The following SCLT1 variants were observed in gnomAD, a reference collection of about 807,000 sequenced individuals.
SCLT1 encodes the protein sodium channel and clathrin linker 1.
Under a neutral mutation model 112.8 loss-of-function variants are expected in SCLT1, and 78 were observed. The ratio of observed to expected loss-of-function variants is 0.69; its 90% confidence interval spans 0.58 to 0.83. The LOEUF (loss-of-function observed/expected upper bound fraction) is 0.83. Ranked by LOEUF, SCLT1 falls within the 40% of genes least tolerant of loss-of-function variation. SCLT1 has a pLI of 0.00. For missense variants in SCLT1, 747 were observed against 770.4 expected (o/e 0.97, Z 0.36); for synonymous variants, 257 against 254.7 (o/e 1.01, Z -0.09).
chr4:128,875,446 G>GGAGT (rs1286589304), intron 4 of SCLT1, among the ~76,000 whole-genome samples: 1 of 151,724 alleles, frequency 6.6e-6, no homozygotes, highest in Non-Finnish European at 1.5e-5. Flanking sequence ...TTCCCCACCT[G>GGAGT]GAGTTCTTTC....
At chr4:128,969,569 C>T (rs1052047423) in intron 10 of SCLT1, among the ~76,000 whole-genome samples, 1 of 150,902 alleles carries the variant, frequency 6.6e-6, no homozygotes, top group African/African-American at 2.5e-5. Flanking sequence ...GAGACTCTGA[C>T]TCAAAAATAA....
chr4:128,931,387 T>G (rs1035800139), intron 18 of SCLT1, among the ~76,000 whole-genome samples: 4 of 152,200 alleles, frequency 2.6e-5, no homozygotes, highest in Non-Finnish European at 5.9e-5. Flanking sequence ...TATCTTTTAT[T>G]GTCGAGATTT....
chr4:128,900,145 T>C (rs1194565900), intron 18 of SCLT1, among the ~76,000 whole-genome samples: 1 of 152,140 alleles, frequency 6.6e-6, no homozygotes, highest in Non-Finnish European at 1.5e-5. Context: ...AAGCTACCAA[T>C]GACTTTCTTC....
rs149781519 is a variant in SCLT1 at position 128,993,826 on chromosome 4, A to G, written c.616-1589T>C. On this transcript the variant is annotated intron_variant, in intron 8 of 20. Coordinates refer to ENST00000281142, the MANE Select transcript of SCLT1 (RefSeq NM_144643.4). ...CAGGATAGTTAGTATGCAATTAAAT[A>G]TTTTTGAGTAAATTATAGAGATGAG... is the stretch of plus-strand genomic sequence containing the variant. 1.6e-3 allele frequency among the ~76,000 whole-genome samples: 247 copies of G among 152,212 alleles called. 2 individuals are homozygous for G. The highest frequency in any genetic ancestry group is 0.013 in the East Asian group (70 of 5,188).
At chr4:128,937,667 A>T (rs1245256149) in intron 17 of SCLT1, among the ~76,000 whole-genome samples, 4 of 152,230 alleles carry the variant, frequency 2.6e-5, no homozygotes, top group Admixed American at 6.5e-5. Flanking sequence ...ATGATTAATG[A>T]ATGAATTATT....
At chr4:129,083,873 C>A (rs190567498) in intron 1 of SCLT1, among the ~76,000 whole-genome samples, 16 of 151,808 alleles carry the variant, frequency 1.1e-4, no homozygotes, top group African/African-American at 3.9e-4. Flanking sequence ...CAAAGAAAGC[C>A]AAGTGGAGTA....
intron 18 of SCLT1, among the ~76,000 whole-genome samples, chr4:128,924,041 A>T (rs753326922): frequency 4.0e-5 from 6 of 151,696 alleles, no homozygotes; most frequent in Non-Finnish European, 8.8e-5. Flanking sequence ...CTATGTGTGG[A>T]TGTGTTTTCA....
chr4:128,900,234 A>G (rs1340827163), intron 18 of SCLT1, among the ~76,000 whole-genome samples: 1 of 152,242 alleles, frequency 6.6e-6, no homozygotes, highest in Non-Finnish European at 1.5e-5. Context: ...TCCTAAGCCA[A>G]AAGAACAAAG....
At chr4:129,083,732 C>A (rs990065879) in intron 1 of SCLT1, among the ~76,000 whole-genome samples, 8 of 151,614 alleles carry the variant, frequency 5.3e-5, no homozygotes, top group Non-Finnish European at 7.4e-5. Flanking sequence ...TTGAAGTGAA[C>A]AATAGTGAAA....
intron 2 of SCLT1, among the ~76,000 whole-genome samples, chr4:129,056,712 G>T (rs553355438): frequency 6.6e-6 from 1 of 152,026 alleles, no homozygotes; most frequent in Admixed American, 6.6e-5. Context: ...TTAATTTGTT[G>T]ATCAGTTCTA....
intron 2 of SCLT1, among the ~76,000 whole-genome samples, chr4:129,067,463 G>A (rs1750592814): frequency 6.6e-6 from 1 of 151,432 alleles, no homozygotes; most frequent in South Asian, 2.1e-4. Flanking sequence ...TTCAAAAACT[G>A]ATTTATCCTA....
At chr4:128,940,906 CTAAAG>C (rs1355627129) in intron 17 of SCLT1, among the ~76,000 whole-genome samples, 1 of 151,936 alleles carries the variant, frequency 6.6e-6, no homozygotes, top group Admixed American at 6.6e-5. Flanking sequence ...ATTTTAGACT[CTAAAG>C]TAAATACGTA....
At chr4:128,960,711 G>A (rs1291999784) in intron 11 of SCLT1, among the ~76,000 whole-genome samples, 4 of 151,380 alleles carry the variant, frequency 2.6e-5, no homozygotes, top group Non-Finnish European at 5.9e-5. Context: ...ATGAGGTCAG[G>A]AGATCGAGAC....
chr4:128,907,597 C>G (rs1214581114), intron 18 of SCLT1, among the ~76,000 whole-genome samples: 1 of 152,052 alleles, frequency 6.6e-6, no homozygotes, highest in Non-Finnish European at 1.5e-5. Flanking sequence ...AGACTAAACT[C>G]AGTTTGAAGT....
At chr4:129,024,849 C>G (rs1745876219) in intron 5 of SCLT1, among the ~76,000 whole-genome samples, 1 of 152,012 alleles carries the variant, frequency 6.6e-6, no homozygotes. Flanking sequence ...CAGAGAAGTG[C>G]TTAAAGGAGC....
chr4:128,942,912 T>C, intron 17 of SCLT1, 84 bp downstream of exon 17: 1 of 994,678 alleles, frequency 1.0e-6, no homozygotes. Flanking sequence ...AAGGGGGCCT[T>C]AAAGATGTTT....
In SCLT1 at chr4:128,936,849, G is replaced by A. The variant is rs755704577; in HGVS notation, c.1635C>T (p.Ile545=). The part of the protein sequence containing the change: ...LEAQKKAKVK[I]STMEHEFSIK... ...TTGAAAATTCATGTTCCATTGTACT[G>A]ATCTAAAGAATAAAATGAAAACGTA... The change falls in exon 18 of 21, where the codon ATC becomes ATT. Residue 545 remains isoleucine (I), a splice_region_variant and synonymous_variant. Transcript: ENST00000281142. 1.6e-5 allele frequency: 24 copies of A among 1,484,220 alleles called. No homozygotes were observed. Among genetic ancestry groups the A allele is most frequent in the Non-Finnish European group, 2.2e-5 (24 of 1,088,806 alleles). The allele number at this position is 1,484,220 out of a possible 1,614,324, so 91.9% of individuals were successfully genotyped here.
rs779551005 is a variant in SCLT1 at position 129,044,064 on chromosome 4, G to A, written c.103-13C>T. ...GGCAGACAGCTTTCTATAAAAGAAT[G>A]TACATCTTAAAATGTGTTCTCACAT... is the stretch of plus-strand genomic sequence containing the variant. On this transcript the variant is annotated splice_polypyrimidine_tract_variant and intron_variant, in intron 2 of 20. Transcript: ENST00000281142. 67 of 1,474,632 alleles carry A rather than the reference G, an allele frequency of 4.5e-5. No individual in the cohort carries two copies. Among genetic ancestry groups the A allele is most frequent in the Non-Finnish European group, 5.7e-5 (61 of 1,064,308 alleles). 91.3% of individuals were successfully genotyped at this position (1,474,632 alleles called of 1,614,324 possible). A position where few individuals can be genotyped will look rare whatever the true frequency, so the allele number is the denominator to read the frequency against.
chr4:128,945,493 T>G (rs1301125260), intron 16 of SCLT1, among the ~76,000 whole-genome samples: 2 of 152,136 alleles, frequency 1.3e-5, no homozygotes, highest in African/African-American at 4.8e-5. Flanking sequence ...AAAAATATAT[T>G]TTGAACACAT....
Sources: gnomAD v4.1 joint callset for allele counts (sites outside exome capture counted in the v4.1 genomes callset) on GRCh38, gnomAD v4.1.1 for gene constraint, MANE v1.5 for transcripts, NCBI Gene and HGNC (gene_info 2026-07-23, HGNC 2026-07-21) for gene names.